The following CMKLR1 variants were observed in gnomAD, a reference collection of about 807,000 sequenced individuals.
CMKLR1 encodes the protein chemerin-like receptor 1.
Under a neutral mutation model 8.2 loss-of-function variants are expected in CMKLR1, and 6 were observed. That is an observed-to-expected ratio of 0.73 (90% CI 0.40 to 1.44). CMKLR1 has a LOEUF of 1.44. Among genes scored for constraint, CMKLR1 ranks in the 40% most tolerant of loss-of-function variants. The pLI, the probability that CMKLR1 is intolerant of heterozygous loss-of-function variation, is 0.02. For missense variants in CMKLR1, 429 were observed against 478.0 expected (o/e 0.90, Z 0.96); for synonymous variants, 178 against 181.2 (o/e 0.98, Z 0.14).
intron 2 of CMKLR1, among the ~76,000 whole-genome samples, chr12:108,310,686 C>G (rs992578784): frequency 1.1e-4 from 16 of 152,136 alleles, no homozygotes; most frequent in African/African-American, 3.6e-4. Context: ...ACGGGAAAAG[C>G]CAGGTCACAG....
intron 2 of CMKLR1, among the ~76,000 whole-genome samples, chr12:108,301,210 G>A (rs769501828): frequency 4.0e-5 from 6 of 151,660 alleles, no homozygotes; most frequent in East Asian, 1.9e-4. Context: ...CGAGTAGCTG[G>A]GACTACAGGC....
chr12:108,318,725 G>A (rs1566026557), intron 2 of CMKLR1, among the ~76,000 whole-genome samples: 2 of 152,172 alleles, frequency 1.3e-5, no homozygotes, highest in Admixed American at 1.3e-4. Flanking sequence ...GGTTTCCAGT[G>A]TGGTCCCTGA....
At chr12:108,313,683 T>G (rs1891645756) in intron 2 of CMKLR1, among the ~76,000 whole-genome samples, 1 of 152,214 alleles carries the variant, frequency 6.6e-6, no homozygotes, top group Non-Finnish European at 1.5e-5. Context: ...GGTCACTCTA[T>G]GAACATGAAG....
At chr12:108,301,071 C>CTTTTTTTTTTTTTTTTTTTTTTTTTTT (rs11303250) in intron 2 of CMKLR1, among the ~76,000 whole-genome samples, 1 of 90,392 alleles carries the variant, frequency 1.1e-5, no homozygotes, top group Non-Finnish European at 2.1e-5. Context: ...CCACCCAAGT[C>CTTTTTTTTTTTTTTTTTTTTTTTTTTT]TTTTTTTTTT....
At chr12:108,304,723 G>A (rs547983154) in intron 2 of CMKLR1, among the ~76,000 whole-genome samples, 49 of 152,082 alleles carry the variant, frequency 3.2e-4, no homozygotes, top group African/African-American at 1.1e-3. Context: ...CACCGGTCAC[G>A]GGTCAGCCCT....
In CMKLR1 at chr12:108,292,159, G is replaced by A. The variant is rs1258359328; in HGVS notation, c.804C>T (p.Thr268=). ...PFKIIVTIII[T]FFLCWCPYHT... ...GGTAGGGGCACCAGCAGAGGAAGAA[G>A]GTAATGATGATGGTCACAATAATCT... The change falls in exon 4 of 4, where the codon ACC becomes ACT. Residue 268 remains threonine (T), a synonymous_variant. Coordinates refer to ENST00000550402, the MANE Select transcript of CMKLR1 (RefSeq NM_001142343.2). The A allele has an allele frequency of 6.2e-7, 1 of 1,614,072 alleles. No individual in the cohort carries two copies. Among genetic ancestry groups the A allele is most frequent in the Admixed American group, 1.7e-5 (1 of 60,010 alleles).
rs1002902072 is a variant in CMKLR1 at position 108,292,050 on chromosome 12, C to G, written c.913G>C (p.Ala305Pro). The change falls in exon 4 of 4, where the codon GCC (alanine) becomes CCC (proline). Residue 305 changes from alanine (A) to proline (P), a missense_variant. Coordinates refer to ENST00000550402, the MANE Select transcript of CMKLR1 (RefSeq NM_001142343.2). ...SLGLPLATAL[A>P]IANSCMNPIL... ...GGGTTCATGCAGCTGTTGGCAATGGCAAGGGCAGTGGCCAGGGGCAAACCC... is the reference window on the plus strand; with the variant it reads ...GGGTTCATGCAGCTGTTGGCAATGGGAAGGGCAGTGGCCAGGGGCAAACCC... The G allele has an allele frequency of 5.0e-6, 8 of 1,614,034 alleles. No individual in the cohort carries two copies. The highest frequency in any genetic ancestry group is 6.8e-6 in the Non-Finnish European group (8 of 1,180,022).
At position 108,292,128 on chromosome 12, in the gene CMKLR1, G is replaced by A. The variant is rs1890993057; in HGVS notation, c.835C>T (p.Leu279Phe). The A allele has an allele frequency of 6.2e-7, 1 of 1,614,208 alleles. No homozygotes were observed. Among genetic ancestry groups the A allele is most frequent in the Non-Finnish European group, 8.5e-7 (1 of 1,180,038 alleles). Residue 279 changes from leucine (L) to phenylalanine (F), a missense_variant, in exon 4 of 4, where the codon CTC becomes TTC. Coordinates refer to ENST00000550402, the MANE Select transcript of CMKLR1 (RefSeq NM_001142343.2). ...FFLCWCPYHT[L>F]NLLELHHTAM... ...GTGTGGTGGAGCTCTAGGAGGTTGAGTGTGTGGTAGGGGCACCAGCAGAGG... is the reference window on the plus strand; with the variant it reads ...GTGTGGTGGAGCTCTAGGAGGTTGAATGTGTGGTAGGGGCACCAGCAGAGG...
Position 108,289,058 on chromosome 12 carries a change from C to T in CMKLR1, c.*2783G>A, listed in dbSNP as rs1171933354. 2.0e-5 allele frequency: 3 copies of T among 152,216 alleles called. No homozygotes were observed. Among genetic ancestry groups the T allele is most frequent in the Admixed American group, 2.0e-4 (3 of 15,286 alleles). 9.4% of individuals were successfully genotyped at this position (152,216 alleles called of 1,614,324 possible). A position where few individuals can be genotyped will look rare whatever the true frequency, so the allele number is the denominator to read the frequency against. ...TAGGTGCTTCATGAATGCCAGATCC[C>T]TTTCCTTCATCATCATGCTCTGGGA... is the stretch of plus-strand genomic sequence containing the variant. On this transcript the variant is annotated 3_prime_UTR_variant, in exon 4 of 4. Transcript: ENST00000550402.
chr12:108,336,594 G>T (rs922945938), intron 1 of CMKLR1, among the ~76,000 whole-genome samples: 1 of 152,110 alleles, frequency 6.6e-6, no homozygotes, highest in Non-Finnish European at 1.5e-5. Flanking sequence ...AATGCAGGTG[G>T]TCTAGAGATT....
chr12:108,292,735 G>A lies in CMKLR1; in HGVS notation c.228C>T (p.Val76=). The A allele has an allele frequency of 2.5e-6, 4 of 1,614,152 alleles. No homozygotes were observed. The highest frequency in any genetic ancestry group is 3.4e-6 in the Non-Finnish European group (4 of 1,180,014). ...CTGCCACTGCCAGGTTGAGGAACCAGACCATGTTCACTGTCTTCTTCATCT... is the reference window on the plus strand; with the variant it reads ...CTGCCACTGCCAGGTTGAGGAACCAAACCATGTTCACTGTCTTCTTCATCT... ...TFKMKKTVNM[V]WFLNLAVADF... The change falls in exon 4 of 4, where the codon GTC becomes GTT. Residue 76 remains valine (V), a synonymous_variant. Transcript: ENST00000550402.
chr12:108,292,752 T>C lies in CMKLR1; in HGVS notation c.211A>G (p.Lys71Glu). Reference protein sequence around the residue: ...VIIIATFKMKKTVNMVWFLNL... With the variant: ...VIIIATFKMKETVNMVWFLNL... Reference sequence around the variant, plus strand: ...AGGAACCAGACCATGTTCACTGTCTTCTTCATCTTGAAGGTGGCAATGATG... The same window carrying C: ...AGGAACCAGACCATGTTCACTGTCTCCTTCATCTTGAAGGTGGCAATGATG... The change falls in exon 4 of 4, where the codon AAG (lysine) becomes GAG (glutamate). Residue 71 changes from lysine (K) to glutamate (E), a missense_variant. Lys to Glu is a moderately conservative substitution (Grantham distance 56). Coordinates refer to ENST00000550402, the MANE Select transcript of CMKLR1 (RefSeq NM_001142343.2). 6.2e-7 allele frequency: 1 copy of C among 1,614,180 alleles called. No individual in the cohort carries two copies. Among genetic ancestry groups the C allele is most frequent in the Non-Finnish European group, 8.5e-7 (1 of 1,180,034 alleles).
At chr12:108,314,131 T>C (rs555653062) in intron 2 of CMKLR1, among the ~76,000 whole-genome samples, 4 of 152,228 alleles carry the variant, frequency 2.6e-5, no homozygotes, top group African/African-American at 9.6e-5. Flanking sequence ...CTGTGGATGG[T>C]GGGAGGTTCA....
chr12:108,316,596 C>T (rs900459224), intron 2 of CMKLR1, among the ~76,000 whole-genome samples: 1 of 152,222 alleles, frequency 6.6e-6, no homozygotes, highest in African/African-American at 2.4e-5. Flanking sequence ...CTGCCAACCT[C>T]TGAGAAGGTT....
intron 2 of CMKLR1, among the ~76,000 whole-genome samples, chr12:108,308,454 C>T (rs563451014): frequency 2.0e-5 from 3 of 152,118 alleles, no homozygotes; most frequent in African/African-American, 2.4e-5. Context: ...AGGGTAGCCC[C>T]GCCCGGACCT....
intron 2 of CMKLR1, chr12:108,320,686 C>G (rs1041596112): frequency 6.6e-6 from 1 of 152,492 alleles, no homozygotes; most frequent in Non-Finnish European, 1.5e-5. Context: ...CCAGCTCCCA[C>G]CCTCCAGGAA....
chr12:108,291,788 T>A lies in CMKLR1; in HGVS notation c.*53A>T. Reference sequence around the variant, plus strand: ...CTTGCCTTGATCTTCAGAAGACATATCCTTGGGTGTCCCTGGGTTGAGAGA... The same window carrying A: ...CTTGCCTTGATCTTCAGAAGACATAACCTTGGGTGTCCCTGGGTTGAGAGA... On this transcript the variant is annotated 3_prime_UTR_variant, in exon 4 of 4. Transcript: ENST00000550402. 6.5e-7 allele frequency: 1 copy of A among 1,541,834 alleles called. No homozygotes were observed. Among genetic ancestry groups the A allele is most frequent in the Non-Finnish European group, 8.8e-7 (1 of 1,141,220 alleles).
intron 2 of CMKLR1, among the ~76,000 whole-genome samples, chr12:108,319,469 G>A (rs1254353366): frequency 6.6e-6 from 1 of 152,210 alleles, no homozygotes; most frequent in Non-Finnish European, 1.5e-5. Context: ...CCTGAGTTCA[G>A]AGCCAGCTCT....
At chr12:108,296,326 G>A (rs1891134085) in intron 2 of CMKLR1, among the ~76,000 whole-genome samples, 1 of 152,256 alleles carries the variant, frequency 6.6e-6, no homozygotes, top group South Asian at 2.1e-4. Context: ...AGATGGTTGT[G>A]AGGATTAAGT....
Sources: gnomAD v4.1 joint callset for allele counts (sites outside exome capture counted in the v4.1 genomes callset) on GRCh38, gnomAD v4.1.1 for gene constraint, MANE v1.5 for transcripts, NCBI Gene and HGNC (gene_info 2026-07-23, HGNC 2026-07-21) for gene names.